Variants in MYO9A observed in about 807,000 individuals in gnomAD.
MYO9A encodes the protein unconventional myosin-IXa.
In MYO9A, 103 loss-of-function variants were observed where a neutral mutation model predicts 293.3. The ratio of observed to expected loss-of-function variants is 0.35; its 90% CI spans 0.30 to 0.41. MYO9A has a LOEUF of 0.41. Among genes scored for constraint, MYO9A ranks in the 10% least tolerant of loss-of-function variants. The pLI, the probability that MYO9A is intolerant of heterozygous loss-of-function variation, is 1.00. For synonymous variants in MYO9A, 1,001 were observed against 1,035.7 expected, an observed-to-expected ratio of 0.97 and a Z score of 0.64; for missense variants, 2,685 against 3,033.0, an observed-to-expected ratio of 0.89 and a Z score of 2.69.
At chr15:71,968,369 A>G (rs2147287298) in intron 12 of MYO9A, among the ~76,000 whole-genome samples, 1 of 152,308 alleles carries the variant, frequency 6.6e-6, no homozygotes, top group East Asian at 1.9e-4. Context: ...CATATTTTGC[A>G]AGTAGTAGTA....
At position 72,091,776 on chromosome 15, in the gene MYO9A, C is replaced by T. The variant is rs182890621; in HGVS notation, c.-72+25904G>A. 3.0e-3 allele frequency among the ~76,000 whole-genome samples: 456 copies of T among 151,072 alleles called. 1 individual carries two copies. The highest frequency in any genetic ancestry group is 6.5e-3 in the Admixed American group (98 of 15,162). On this transcript the variant is annotated intron_variant, in intron 1 of 41. Transcript: ENST00000356056. Reference sequence around the variant, plus strand: ...TTGCCCAGGATGGAGTGCAGTGGCGCGATCTCGGCTCACTGCAAGCTCCGC... The same window carrying T: ...TTGCCCAGGATGGAGTGCAGTGGCGTGATCTCGGCTCACTGCAAGCTCCGC...
rs1567240950 is a variant in MYO9A, at chr15:71,897,564, A to G, written c.4939T>C (p.Phe1647Leu). The part of the protein sequence containing the change: ...SNNRISKREH[F>L]RPTQSYSHNS... The stretch of plus-strand genomic sequence containing the variant: ...TGGCTGTAAGACTGAGTTGGCCTAA[A>G]GTGTTCTCTTTTTGAAATGCGATTA... Residue 1647 changes from phenylalanine (F) to leucine (L), a missense_variant, in exon 25 of 42, where the codon TTT (phenylalanine) becomes CTT (leucine). Coordinates refer to ENST00000356056, the MANE Select transcript of MYO9A (RefSeq NM_006901.4). 1 of 1,614,148 alleles carries G rather than the reference A, an allele frequency of 6.2e-7. No individual in the cohort carries two copies. The highest frequency in any genetic ancestry group is 8.5e-7 in the Non-Finnish European group (1 of 1,180,026).
chr15:71,968,508 T>A (rs904738984), intron 12 of MYO9A, among the ~76,000 whole-genome samples: 1 of 152,136 alleles, frequency 6.6e-6, no homozygotes, highest in African/African-American at 2.4e-5. Flanking sequence ...GAGAATAATA[T>A]CTCGATTCTC....
intron 8 of MYO9A, among the ~76,000 whole-genome samples, chr15:72,007,521 C>T (rs1406126257): frequency 6.6e-6 from 1 of 151,962 alleles, no homozygotes; most frequent in Non-Finnish European, 1.5e-5. Context: ...TAGCATAGTC[C>T]CAGAATATTA....
intron 19 of MYO9A, among the ~76,000 whole-genome samples, chr15:71,905,347 A>G (rs577087179): frequency 8.5e-5 from 13 of 152,340 alleles, no homozygotes; most frequent in African/African-American, 2.9e-4. Context: ...ATGATTCAGG[A>G]GGGTATCCAG....
chr15:72,020,227 T>G (rs1379552074), intron 5 of MYO9A, among the ~76,000 whole-genome samples: 1 of 152,222 alleles, frequency 6.6e-6, no homozygotes, highest in African/African-American at 2.4e-5. Flanking sequence ...ATCTATTATT[T>G]AAATGACCTA....
chr15:71,929,209 A>G (rs1339882267), intron 18 of MYO9A, among the ~76,000 whole-genome samples: 2 of 152,188 alleles, frequency 1.3e-5, no homozygotes, highest in Non-Finnish European at 2.9e-5. Flanking sequence ...GATTTTCTAT[A>G]TAACATTATG....
chr15:72,058,725 T>C (rs975712894), intron 1 of MYO9A, among the ~76,000 whole-genome samples: 3 of 152,196 alleles, frequency 2.0e-5, no homozygotes, highest in African/African-American at 7.2e-5. Flanking sequence ...AGAAAGTTGC[T>C]GTGGTTTAGC....
At chr15:72,118,176 C>T (rs1358065622), upstream of MYO9A, 6 of 365,620 alleles carry the variant, frequency 1.6e-5, no homozygotes, top group Non-Finnish European at 2.9e-5. Flanking sequence ...CCCCTACTGC[C>T]AGCACGGGTC....
chr15:71,960,046 A>T lies in MYO9A; in HGVS notation c.2037T>A (p.Leu679=), dbSNP rs746496252. 3 of 1,614,084 alleles carry T rather than the reference A, an allele frequency of 1.9e-6. No individual in the cohort carries two copies. In the South Asian group the frequency reaches 3.3e-5, roughly 18 times the overall value. ...TDHMRPDIVA[L]LRSSKNAFIS... is the part of the protein sequence containing the mutation. ...TAAATGCATTCTTGCTGCTTCTCAGAAGAGCTACAATGTCTGGGCGCATAT... is the reference window on the plus strand; with the variant it reads ...TAAATGCATTCTTGCTGCTTCTCAGTAGAGCTACAATGTCTGGGCGCATAT... Residue 679 remains leucine (L), a synonymous_variant, in exon 14 of 42, where the codon CTT becomes CTA. Coordinates refer to ENST00000356056, the MANE Select transcript of MYO9A (RefSeq NM_006901.4).
intron 15 of MYO9A, among the ~76,000 whole-genome samples, chr15:71,941,877 T>C (rs2058785248): frequency 6.6e-6 from 1 of 152,132 alleles, no homozygotes; most frequent in Admixed American, 6.5e-5. Flanking sequence ...AAAAATTTGA[T>C]AGTTTGTAAT....
At chr15:72,103,217 C>T (rs1409185050) in intron 1 of MYO9A, among the ~76,000 whole-genome samples, 26 of 150,390 alleles carry the variant, frequency 1.7e-4, no homozygotes, top group African/African-American at 6.1e-4. Context: ...AAAGCAGCAG[C>T]AGAAGCAGAA....
intron 1 of MYO9A, among the ~76,000 whole-genome samples, chr15:72,053,670 A>C (rs2078636882): frequency 6.6e-6 from 1 of 152,206 alleles, no homozygotes; most frequent in Admixed American, 6.5e-5. Flanking sequence ...GGGTGGAAGG[A>C]AGGCGAGGAT....
intron 1 of MYO9A, among the ~76,000 whole-genome samples, chr15:72,079,578 T>C (rs1050588002): frequency 6.6e-6 from 1 of 151,952 alleles, no homozygotes; most frequent in Non-Finnish European, 1.5e-5. Flanking sequence ...AATGCACAAA[T>C]AAATATATGA....
At position 72,105,710 on chromosome 15, in the gene MYO9A, T is replaced by G. The variant is rs189300980; in HGVS notation, c.-72+11970A>C. Among the ~76,000 whole-genome samples, 748 of 152,218 alleles carry G rather than the reference T, an allele frequency of 4.9e-3. 28 individuals carry two copies. The highest frequency in any genetic ancestry group is 0.045 in the Admixed American group (692 of 15,280). ...TTAGTAGAGATGGGGTTTCTACATG[T>G]TGGTCAGGCTGGTCTTGAACTCTCA... On this transcript the variant is annotated intron_variant, in intron 1 of 41. Transcript: ENST00000356056.
chr15:71,964,412 T>C (rs188688260), intron 13 of MYO9A, among the ~76,000 whole-genome samples: 1 of 152,144 alleles, frequency 6.6e-6, no homozygotes, highest in Non-Finnish European at 1.5e-5. Context: ...TCTGGGAGAC[T>C]GAGGTGAGCA....
At chr15:71,990,315 G>A (rs948681639) in intron 11 of MYO9A, among the ~76,000 whole-genome samples, 1 of 151,834 alleles carries the variant, frequency 6.6e-6, no homozygotes, top group African/African-American at 2.4e-5. Context: ...TAACTCCTGG[G>A]CTCAAGAGAT....
intron 1 of MYO9A, among the ~76,000 whole-genome samples, chr15:72,092,481 G>A (rs2079946085): frequency 6.6e-6 from 1 of 152,196 alleles, no homozygotes; most frequent in African/African-American, 2.4e-5. Flanking sequence ...GGAGGCTGAG[G>A]CAGCAGGATC....
intron 11 of MYO9A, among the ~76,000 whole-genome samples, chr15:71,985,935 A>G (rs1303327777): frequency 1.3e-5 from 2 of 152,206 alleles, no homozygotes; most frequent in Non-Finnish European, 2.9e-5. Flanking sequence ...TGCTTAGCAC[A>G]CTGCCTGGCA....
Sources: allele counts gnomAD v4.1 joint callset (sites outside exome capture counted in the v4.1 genomes callset), GRCh38; gene constraint gnomAD v4.1.1; transcripts MANE v1.5; gene names NCBI Gene and HGNC (gene_info 2026-07-23, HGNC 2026-07-21).